Variants in B4GALNT3 observed in about 807,000 individuals in gnomAD.
B4GALNT3 encodes beta-1,4-N-acetylgalactosaminyltransferase 3.
Under a neutral mutation model 120.2 loss-of-function variants are expected in B4GALNT3, and 86 were observed. That is an observed-to-expected ratio of 0.72 (90% confidence interval 0.60 to 0.86). B4GALNT3 has a LOEUF of 0.86. Among genes scored for constraint, B4GALNT3 ranks in the 40% least tolerant of loss-of-function variants. The probability of loss-of-function intolerance (pLI) is 0.00; values close to 1 mark genes in which losing one functional copy is unlikely to be tolerated. For synonymous variants in B4GALNT3, 518 were observed against 510.4 expected (o/e 1.01, Z -0.20); for missense variants, 1,167 against 1,298.9 (o/e 0.90, Z 1.56).
Position 558,639 on chromosome 12 carries a change from G to A in B4GALNT3, c.2739G>A (p.Gly913=). The A allele has an allele frequency of 6.2e-7, 1 of 1,614,026 alleles. No individual in the cohort carries two copies. The highest frequency in any genetic ancestry group is 1.7e-5 in the Admixed American group (1 of 60,024). Residue 913 remains glycine (G), a synonymous_variant, in exon 18 of 20, where the codon GGG becomes GGA. Coordinates refer to ENST00000266383, the MANE Select transcript of B4GALNT3 (RefSeq NM_173593.4). ...CCATGGTGATGAGGCTGCATTGTGG[G>A]GCCACCCCCCAGTGGCCTGAGGGTG... ...FAPMVMRLHC[G]ATPQWPEGYW...
rs1051353894 is a variant in B4GALNT3 at position 521,958 on chromosome 12, G to A, written c.170-13208G>A. The stretch of plus-strand genomic sequence containing the variant: ...CTGGGGAGAGCCCTACTCCAGGCCC[G>A]CTCAGAAGTTCTTTTTTTTTTTTTA... On this transcript the variant is annotated intron_variant, in intron 1 of 19. Transcript: ENST00000266383. Among the ~76,000 whole-genome samples the A allele has an allele frequency of 7.2e-5, 10 of 139,214 alleles. No individual in the cohort carries two copies. In the South Asian group the frequency reaches 9.3e-4, roughly 13 times the overall value. 91.3% of individuals were successfully genotyped at this position (139,214 alleles called of 152,430 possible).
chr12:502,386 C>T (rs145412352), intron 1 of B4GALNT3, among the ~76,000 whole-genome samples: 3 of 152,156 alleles, frequency 2.0e-5, no homozygotes, highest in Non-Finnish European at 4.4e-5. Context: ...CCTAATTATA[C>T]GCTCTGGGGC....
intron 1 of B4GALNT3, among the ~76,000 whole-genome samples, chr12:482,218 T>C (rs994716978): frequency 6.6e-6 from 1 of 152,164 alleles, no homozygotes; most frequent in Non-Finnish European, 1.5e-5. Flanking sequence ...GGCTGATACT[T>C]TGGGACACGT....
rs116716626 is a variant in B4GALNT3 at position 561,355 on chromosome 12, G to C, written c.2901G>C (p.Ala967=). Residue 967 remains alanine (A), a synonymous_variant, in exon 20 of 20, where the codon GCG becomes GCC. Transcript: ENST00000266383. The part of the protein sequence containing the change: ...DWELLDRILQ[A]GLDVERLSLR... ...TCTCCTCCTCCAGGATACTCCAAGCGGGCCTGGACGTGGAGCGTCTCTCCC... is the reference window on the plus strand; with the variant it reads ...TCTCCTCCTCCAGGATACTCCAAGCCGGCCTGGACGTGGAGCGTCTCTCCC... The C allele has an allele frequency of 6.2e-7, 1 of 1,613,202 alleles. No homozygotes were observed. The highest frequency in any genetic ancestry group is 8.5e-7 in the Non-Finnish European group (1 of 1,179,232).
At chr12:556,503 G>C in intron 14 of B4GALNT3, 44 bp from the exon 15 acceptor site, 3 of 1,558,956 alleles carry the variant, frequency 1.9e-6, no homozygotes, top group Non-Finnish European at 2.6e-6. Context: ...TACCCTCCCA[G>C]TGTGGAAAGG....
intron 1 of B4GALNT3, among the ~76,000 whole-genome samples, chr12:491,233 G>A (rs1030991344): frequency 7.9e-5 from 12 of 151,782 alleles, no homozygotes; most frequent in African/African-American, 2.4e-4. Context: ...ATCAATTAAT[G>A]TAATTAATCA....
intron 1 of B4GALNT3, among the ~76,000 whole-genome samples, chr12:469,289 C>T (rs1474432068): frequency 6.6e-6 from 1 of 152,044 alleles, no homozygotes; most frequent in Non-Finnish European, 1.5e-5. Flanking sequence ...AATGCTGTTC[C>T]CGTAGAACTT....
chr12:481,472 C>T (rs938625431), intron 1 of B4GALNT3, among the ~76,000 whole-genome samples: 5 of 152,200 alleles, frequency 3.3e-5, no homozygotes, highest in East Asian at 1.9e-4. Context: ...TCTTGATTCT[C>T]GTGGTTTCTC....
chr12:497,270 C>T (rs1429457265), intron 1 of B4GALNT3, among the ~76,000 whole-genome samples: 1 of 152,232 alleles, frequency 6.6e-6, no homozygotes, highest in Non-Finnish European at 1.5e-5. Context: ...TCTCCTGCCT[C>T]AGCCTCCTGA....
intron 1 of B4GALNT3, among the ~76,000 whole-genome samples, chr12:500,009 G>T (rs879861915): frequency 6.6e-5 from 10 of 152,188 alleles, no homozygotes; most frequent in Non-Finnish European, 1.0e-4. Flanking sequence ...TCTTGCCGAG[G>T]CTTGCTGGCC....
intron 19 of B4GALNT3, among the ~76,000 whole-genome samples, chr12:560,793 C>T (rs1483382858): frequency 1.3e-5 from 2 of 152,188 alleles, no homozygotes; most frequent in South Asian, 2.1e-4. Flanking sequence ...GCATCCAGTT[C>T]GGCCACTCTC....
At chr12:522,050 G>C (rs1482210511) in intron 1 of B4GALNT3, among the ~76,000 whole-genome samples, 1 of 151,774 alleles carries the variant, frequency 6.6e-6, no homozygotes, top group Non-Finnish European at 1.5e-5. Context: ...TCCACCCAAG[G>C]CTTCCCAGAC....
chr12:529,410 C>T (rs1946785878), intron 1 of B4GALNT3, among the ~76,000 whole-genome samples: 1 of 152,214 alleles, frequency 6.6e-6, no homozygotes, highest in African/African-American at 2.4e-5. Context: ...GCAGTCTCCA[C>T]CCAGTTACAT....
At chr12:529,043 A>G (rs770081586) in intron 1 of B4GALNT3, among the ~76,000 whole-genome samples, 4 of 152,068 alleles carry the variant, frequency 2.6e-5, no homozygotes, top group Non-Finnish European at 5.9e-5. Flanking sequence ...GGTGGTGTAC[A>G]TGGAACCAGC....
chr12:470,573 T>G (rs1946126290), intron 1 of B4GALNT3, among the ~76,000 whole-genome samples: 1 of 151,654 alleles, frequency 6.6e-6, no homozygotes, highest in Non-Finnish European at 1.5e-5. Context: ...TTCAGCTGAG[T>G]AGAGGGCCTG....
rs1165380255 is a variant in B4GALNT3 at position 561,615 on chromosome 12, G to T, written c.*164G>T. 2 of 602,074 alleles carry T rather than the reference G, an allele frequency of 3.3e-6. No individual in the cohort carries two copies. The highest frequency in any genetic ancestry group is 5.8e-6 in the Non-Finnish European group (2 of 342,866). The allele number at this position is 602,074 out of a possible 1,614,324, so 37.3% of individuals were successfully genotyped here. Reference sequence around the variant, plus strand: ...TGGAGCTGTCCCCTCACAGAGGCAGGTTCCGGGGCTCCTGTCTCTGCCTCC... The same window carrying T: ...TGGAGCTGTCCCCTCACAGAGGCAGTTTCCGGGGCTCCTGTCTCTGCCTCC... On this transcript the variant is annotated 3_prime_UTR_variant, in exon 20 of 20. Coordinates refer to ENST00000266383, the MANE Select transcript of B4GALNT3 (RefSeq NM_173593.4).
chr12:552,065 T>A lies in B4GALNT3; in HGVS notation c.1110T>A (p.Val370=). ...PLQRYQGLRF[V]HLSFVYPNDY... is the part of the protein sequence containing the mutation. ...GCTGCTGATTTTTCCACTTCCAGGTTCATCTGTCTTTTGTTTACCCCAATG... is the reference window on the plus strand; with the variant it reads ...GCTGCTGATTTTTCCACTTCCAGGTACATCTGTCTTTTGTTTACCCCAATG... Residue 370 remains valine, a splice_region_variant and synonymous_variant, in exon 12 of 20, where the codon GTT becomes GTA. Coordinates refer to ENST00000266383, the MANE Select transcript of B4GALNT3 (RefSeq NM_173593.4). 6.2e-7 allele frequency: 1 copy of A among 1,600,222 alleles called. No individual in the cohort carries two copies. The highest frequency in any genetic ancestry group is 8.6e-7 in the Non-Finnish European group (1 of 1,167,486).
chr12:487,858 G>A (rs922777369), intron 1 of B4GALNT3, among the ~76,000 whole-genome samples: 1 of 152,174 alleles, frequency 6.6e-6, no homozygotes, highest in Non-Finnish European at 1.5e-5. Context: ...GGCTGAGGTG[G>A]GAGGATCACT....
chr12:558,883 G>T (rs374467489), intron 18 of B4GALNT3, among the ~76,000 whole-genome samples: 5 of 151,540 alleles, frequency 3.3e-5, no homozygotes, highest in Admixed American at 3.3e-4. Flanking sequence ...CTCCTGCGCC[G>T]TCTTCTCCTT....
Sources: gnomAD v4.1 joint callset for allele counts (sites outside exome capture counted in the v4.1 genomes callset) on GRCh38, gnomAD v4.1.1 for gene constraint, MANE v1.5 for transcripts, NCBI Gene and HGNC (gene_info 2026-07-23, HGNC 2026-07-21) for gene names.